Variants in PIK3C3 observed in about 807,000 individuals in gnomAD.
PIK3C3 encodes the protein phosphatidylinositol 3-kinase catalytic subunit type 3.
A neutral mutation model predicts 126.1 loss-of-function variants in PIK3C3; 95 were observed. That is an observed-to-expected ratio of 0.75 (90% CI 0.64 to 0.89). PIK3C3 has a LOEUF of 0.89. PIK3C3 is among the 40% of genes least tolerant of loss of function. PIK3C3 has a pLI of 0.00. For synonymous variants in PIK3C3, 374 were observed against 360.0 expected (o/e 1.04, Z -0.44); for missense variants, 829 against 1,063.2 (o/e 0.78, Z 3.06).
At chr18:42,020,805 A>G in intron 13 of PIK3C3, 100 bp downstream of exon 13, 1 of 688,784 alleles carries the variant, frequency 1.5e-6, no homozygotes, top group Non-Finnish European at 2.5e-6. Context: ...GATATGAGCA[A>G]TCATCAAAAG....
At chr18:42,007,198 G>C (rs1352717102) in intron 10 of PIK3C3, among the ~76,000 whole-genome samples, 3 of 152,062 alleles carry the variant, frequency 2.0e-5, no homozygotes, top group African/African-American at 7.2e-5. Flanking sequence ...TAAACTGCTT[G>C]CGTTATAATT....
intron 24 of PIK3C3, among the ~76,000 whole-genome samples, chr18:42,077,041 A>T (rs1986058461): frequency 6.6e-6 from 1 of 152,226 alleles, no homozygotes; most frequent in South Asian, 2.1e-4. Flanking sequence ...TTTTGATCTG[A>T]AGTCCAGACC....
At chr18:42,047,581 A>G (rs1358805258) in intron 20 of PIK3C3, among the ~76,000 whole-genome samples, 1 of 152,138 alleles carries the variant, frequency 6.6e-6, no homozygotes, top group Non-Finnish European at 1.5e-5. Context: ...GCTTGTTTGT[A>G]TTACAGAATC....
At chr18:41,975,400 A>G (rs1412671455) in intron 4 of PIK3C3, among the ~76,000 whole-genome samples, 2 of 152,200 alleles carry the variant, frequency 1.3e-5, no homozygotes, top group Non-Finnish European at 2.9e-5. Context: ...TCAAATGCTT[A>G]GACGCCCCTG....
At chr18:42,029,280 A>G (rs536522815) in intron 14 of PIK3C3, 45 bp from the exon 15 acceptor site, 7 of 1,121,714 alleles carry the variant, frequency 6.2e-6, no homozygotes, top group African/African-American at 6.1e-5. Flanking sequence ...AATCCAGATC[A>G]TTACGCAACA....
At chr18:42,076,135 TA>T (rs1568013663) in intron 24 of PIK3C3, among the ~76,000 whole-genome samples, 22 of 92,742 alleles carry the variant, frequency 2.4e-4, no homozygotes, top group Admixed American at 4.2e-4. Context: ...CATATATATA[TA>T]TATATATGCG....
chr18:42,052,622 A>G, intron 21 of PIK3C3: 1 of 152,188 alleles, frequency 6.6e-6, no homozygotes, highest in East Asian at 1.9e-4. Flanking sequence ...TAATAATTTT[A>G]AAAAGTTTGT....
chr18:42,062,944 A>C (rs752405028), intron 22 of PIK3C3, among the ~76,000 whole-genome samples: 2 of 151,956 alleles, frequency 1.3e-5, no homozygotes, highest in Non-Finnish European at 2.9e-5. Flanking sequence ...AGGATCATCT[A>C]TTTCATCTCC....
At chr18:42,074,170 C>T (rs1985887438) in intron 24 of PIK3C3, among the ~76,000 whole-genome samples, 1 of 152,038 alleles carries the variant, frequency 6.6e-6, no homozygotes, top group Non-Finnish European at 1.5e-5. Flanking sequence ...CAACCCTAGT[C>T]TGTTAGTCTT....
At chr18:41,972,623 G>A (rs1980725134) in intron 4 of PIK3C3, among the ~76,000 whole-genome samples, 2 of 152,026 alleles carry the variant, frequency 1.3e-5, no homozygotes, top group Non-Finnish European at 2.9e-5. Context: ...TGAGCTTGCC[G>A]TGCTGTGACA....
chr18:42,024,733 C>A (rs1309278558), intron 13 of PIK3C3, among the ~76,000 whole-genome samples: 2 of 151,938 alleles, frequency 1.3e-5, no homozygotes, highest in Non-Finnish European at 2.9e-5. Flanking sequence ...CCACACCTGG[C>A]AGACTTGAAT....
rs2144552701 is a variant in PIK3C3, at chr18:42,087,457, A to G, written c.*6320A>G. The G allele has an allele frequency of 6.6e-6, 1 of 152,296 alleles. No homozygotes were observed. Among genetic ancestry groups the G allele is most frequent in the African/African-American group, 2.4e-5 (1 of 41,556 alleles). The allele number at this position is 152,296 out of a possible 1,614,324, so 9.4% of individuals were successfully genotyped here. On this transcript the variant is annotated 3_prime_UTR_variant, in exon 25 of 25. Coordinates refer to ENST00000262039, the MANE Select transcript of PIK3C3 (RefSeq NM_002647.4). Reference sequence around the variant, plus strand: ...TTGTGTAACACGTGGCTGGCAGAGAAGGGAAGATGAAGCCACCATCTTGAA... The same window carrying G: ...TTGTGTAACACGTGGCTGGCAGAGAGGGGAAGATGAAGCCACCATCTTGAA...
intron 24 of PIK3C3, among the ~76,000 whole-genome samples, chr18:42,069,440 C>T (rs139566819): frequency 1.6e-4 from 25 of 152,286 alleles, no homozygotes; most frequent in Middle Eastern, 6.8e-3. Context: ...TATTTTGACT[C>T]CCATATTTAG....
intron 4 of PIK3C3, among the ~76,000 whole-genome samples, chr18:41,974,204 T>C (rs998779489): frequency 6.6e-6 from 1 of 152,156 alleles, no homozygotes; most frequent in Non-Finnish European, 1.5e-5. Flanking sequence ...TAGATAATTA[T>C]TAAGCAAAGA....
In PIK3C3 at chr18:42,038,859, A is replaced by G. The variant is rs1984179328; in HGVS notation, c.2038+9A>G. On this transcript the variant is annotated intron_variant, in intron 18 of 24. Coordinates refer to ENST00000262039, the MANE Select transcript of PIK3C3 (RefSeq NM_002647.4). ...CACCAGTACAAAACATGGTAAGTGT[A>G]TTTTACATCATTATTATTTACTTTA... 2.0e-6 allele frequency: 3 copies of G among 1,499,370 alleles called. No individual in the cohort carries two copies. Among genetic ancestry groups the G allele is most frequent in the Non-Finnish European group, 2.8e-6 (3 of 1,084,360 alleles). 92.9% of individuals were successfully genotyped at this position (1,499,370 alleles called of 1,614,324 possible).
chr18:42,005,923 C>T (rs1982522379), intron 10 of PIK3C3, among the ~76,000 whole-genome samples: 1 of 151,076 alleles, frequency 6.6e-6, no homozygotes, highest in African/African-American at 2.4e-5. Context: ...TCCACCCCAA[C>T]CCCCTAACCT....
intron 24 of PIK3C3, among the ~76,000 whole-genome samples, chr18:42,077,165 TA>T (rs1022159641): frequency 1.3e-5 from 2 of 152,240 alleles, no homozygotes; most frequent in African/African-American, 4.8e-5. Flanking sequence ...AAAATATTGC[TA>T]AAAAATGCTT....
chr18:41,965,695 G>A (rs551509398), intron 3 of PIK3C3, among the ~76,000 whole-genome samples: 26 of 152,174 alleles, frequency 1.7e-4, no homozygotes, highest in South Asian at 1.5e-3. Flanking sequence ...TGACTTACAC[G>A]TGCATTCATG....
At chr18:42,071,262 G>T (rs667503) in intron 24 of PIK3C3, among the ~76,000 whole-genome samples, 1 of 151,956 alleles carries the variant, frequency 6.6e-6, no homozygotes, top group Non-Finnish European at 1.5e-5. Flanking sequence ...TAGCTCTCCA[G>T]TTTACAGTGA....
Sources: gnomAD v4.1 joint callset for allele counts (sites outside exome capture counted in the v4.1 genomes callset) on GRCh38, gnomAD v4.1.1 for gene constraint, MANE v1.5 for transcripts, NCBI Gene and HGNC (gene_info 2026-07-23, HGNC 2026-07-21) for gene names.